RAD54L2: variants seen among roughly 807,000 people sequenced by gnomAD.
The protein encoded by RAD54L2 is helicase ARIP4.
In RAD54L2, 27 loss-of-function variants were observed where a neutral mutation model predicts 138.4. The ratio of observed to expected loss-of-function variants is 0.20; its 90% CI spans 0.14 to 0.27. The LOEUF is 0.27. RAD54L2 is among the 10% of genes least tolerant of loss of function. RAD54L2 has a pLI of 1.00. For missense variants in RAD54L2, 1,396 were observed against 1,890.2 expected, an observed-to-expected ratio of 0.74 and a Z score of 4.85; for synonymous variants, 644 against 723.2, an observed-to-expected ratio of 0.89 and a Z score of 1.76.
intron 2 of RAD54L2, among the ~76,000 whole-genome samples, chr3:51,582,228 G>C (rs1415414930): frequency 6.6e-6 from 1 of 152,102 alleles, no homozygotes; most frequent in Non-Finnish European, 1.5e-5. Context: ...AGCTTAAGAA[G>C]TTATAGCTGT....
At position 51,657,651 on chromosome 3, in the gene RAD54L2, A is replaced by G; in HGVS notation, c.3298A>G (p.Ile1100Val). ...ARINAGESIH[I>V]IRGTKGTYIR... ...AATTAATGCTGGTGAGAGCATCCAC[A>G]TCATCCGTGGGACAAAAGGTAAGAG... is the stretch of plus-strand genomic sequence containing the variant. The change falls in exon 21 of 23, where the codon ATC (isoleucine) becomes GTC (valine). Residue 1100 changes from isoleucine (I) to valine (V), a missense_variant. Around this residue, in one of 7 missense-constraint regions of RAD54L2, gnomAD observed 634 missense variants for 711.2 expected, o/e 0.89. Transcript: ENST00000684192. The G allele has an allele frequency of 1.3e-5, 21 of 1,575,512 alleles. No homozygotes were observed. The highest frequency in any genetic ancestry group is 1.8e-5 in the Non-Finnish European group (21 of 1,157,544).
At chr3:51,622,733 A>G (rs1369438775) in intron 3 of RAD54L2, among the ~76,000 whole-genome samples, 1 of 152,180 alleles carries the variant, frequency 6.6e-6, no homozygotes, top group Admixed American at 6.5e-5. Flanking sequence ...CTTACCCAGG[A>G]CAGGGGTTGA....
rs367844482 is a variant in RAD54L2 at position 51,645,786 on chromosome 3, A to G, written c.2829+23A>G. The G allele has an allele frequency of 7.3e-5, 116 of 1,591,354 alleles. 2 individuals carry two copies. The highest frequency in any genetic ancestry group is 1.8e-4 in the South Asian group (16 of 87,112). On this transcript the variant is annotated intron_variant, in intron 18 of 22. Transcript: ENST00000684192. The surrounding 1 kb of genome is among the most constrained non-coding windows in gnomAD (Gnocchi z 6.1). Reference sequence around the variant, plus strand: ...AAGGTAAGAACTTGGTATGCATGCAATCCCCAGAGTGGCAGTCTCTCTGTC... The same window carrying G: ...AAGGTAAGAACTTGGTATGCATGCAGTCCCCAGAGTGGCAGTCTCTCTGTC...
intron 9 of RAD54L2, among the ~76,000 whole-genome samples, chr3:51,634,445 C>T (rs928595233): frequency 7.2e-6 from 1 of 139,722 alleles, no homozygotes; most frequent in African/African-American, 2.7e-5. Context: ...TCTCAGTTCA[C>T]TGCAACCTCT....
chr3:51,575,921 G>T (rs930247259), intron 2 of RAD54L2, among the ~76,000 whole-genome samples: 1 of 152,168 alleles, frequency 6.6e-6, no homozygotes, highest in Non-Finnish European at 1.5e-5. Context: ...TCCCTGTCTT[G>T]TGCCAGTTTT....
In RAD54L2 at chr3:51,623,015, A is replaced by G. The variant is rs544941316; in HGVS notation, c.140-4538A>G. Among the ~76,000 whole-genome samples, 8 of 152,276 alleles carry G rather than the reference A, an allele frequency of 5.3e-5. No homozygotes were observed. The South Asian group carries it at 1.7e-3, about 32-fold the overall frequency. On this transcript the variant is annotated intron_variant, in intron 3 of 22. Transcript: ENST00000684192. The stretch of plus-strand genomic sequence containing the variant: ...TACTGCTCTTGGGCACTTTCCATAT[A>G]GCATATGTGTTTCCCCATGTGGTCT...
At position 51,637,515 on chromosome 3, in the gene RAD54L2, T is replaced by G; in HGVS notation, c.1682+12T>G. The G allele has an allele frequency of 1.3e-6, 2 of 1,599,660 alleles. No individual in the cohort carries two copies. The highest frequency in any genetic ancestry group is 1.7e-6 in the Non-Finnish European group (2 of 1,170,778). ...GGCTTTGTGCAGAGGTGAGCCATCC[T>G]CAGGGTCCTGCTTCCTGAATTTTCA... On this transcript the variant is annotated intron_variant, in intron 11 of 22. Coordinates refer to ENST00000684192, the MANE Select transcript of RAD54L2 (RefSeq NM_015106.4). This position sits in a 1 kb window ranked among gnomAD's most constrained non-coding sequence, Gnocchi z 5.9.
intron 2 of RAD54L2, among the ~76,000 whole-genome samples, chr3:51,573,109 G>T (rs1182801631): frequency 6.6e-6 from 1 of 152,234 alleles, no homozygotes; most frequent in African/African-American, 2.4e-5. Context: ...TACATAAGTC[G>T]CTTTACAAGA....
At chr3:51,616,268 C>T (rs975901300) in intron 3 of RAD54L2, among the ~76,000 whole-genome samples, 1 of 152,180 alleles carries the variant, frequency 6.6e-6, no homozygotes, top group Non-Finnish European at 1.5e-5. Context: ...AATCTCTCTT[C>T]ATCCTCTCTT....
chr3:51,668,103 T>TGTGTGTG lies in RAD54L2; in HGVS notation c.*4683_*4684insGTGTGTG, dbSNP rs1701950670. On this transcript the variant is annotated 3_prime_UTR_variant, in exon 23 of 23. Transcript: ENST00000684192. The stretch of plus-strand genomic sequence containing the variant: ...TGTGTGTGAGTGTGTGTGTGTGTGT[T>TGTGTGTG]TGTGTGCTGTGCTCATGTGCACCTG... 6.7e-6 allele frequency: 1 copy of TGTGTGTG among 149,974 alleles called. No individual in the cohort carries two copies. The highest frequency in any genetic ancestry group is 2.5e-5 in the African/African-American group (1 of 39,308). The allele number at this position is 149,974 out of a possible 1,614,324, so 9.3% of individuals were successfully genotyped here.
chr3:51,542,023 T>TA (rs1206392128), intron 2 of RAD54L2, among the ~76,000 whole-genome samples: 3 of 152,222 alleles, frequency 2.0e-5, no homozygotes, highest in African/African-American at 7.2e-5. Flanking sequence ...AAATAAGGCT[T>TA]AGAGTTTTCT....
intron 3 of RAD54L2, among the ~76,000 whole-genome samples, chr3:51,601,608 A>AT (rs1358671664): frequency 6.7e-6 from 1 of 150,144 alleles, no homozygotes; most frequent in Non-Finnish European, 1.5e-5. Flanking sequence ...GCCCGGGCTA[A>AT]TTTTTTATAT....
chr3:51,591,761 C>A (rs1699845430), intron 3 of RAD54L2, among the ~76,000 whole-genome samples: 1 of 152,156 alleles, frequency 6.6e-6, no homozygotes, highest in South Asian at 2.1e-4. Context: ...GTGTCAGCAT[C>A]ACTTTTTGCT....
intron 2 of RAD54L2, among the ~76,000 whole-genome samples, chr3:51,588,185 CAAAAAAAAAAAAAA>C (rs987919898): frequency 4.7e-4 from 6 of 12,714 alleles, no homozygotes; most frequent in South Asian, 2.9e-3. Context: ...GACTCCATCT[CAAAAAAAAAAAAAA>C]AAAAAAAAAA....
intron 2 of RAD54L2, among the ~76,000 whole-genome samples, chr3:51,569,988 A>G (rs1378376000): frequency 3.3e-5 from 5 of 151,560 alleles, no homozygotes; most frequent in Non-Finnish European, 7.4e-5. Flanking sequence ...GTGCACCACT[A>G]TGCCCAGCTG....
intron 2 of RAD54L2, among the ~76,000 whole-genome samples, chr3:51,565,953 C>T (rs1348021925): frequency 1.3e-5 from 2 of 151,572 alleles, no homozygotes; most frequent in Admixed American, 6.6e-5. Flanking sequence ...CTCAGCCTCC[C>T]AAGTAGCTGG....
chr3:51,607,251 G>GCCGCCTT (rs763855976), intron 3 of RAD54L2, among the ~76,000 whole-genome samples: 1 of 151,026 alleles, frequency 6.6e-6, no homozygotes, highest in East Asian at 2.0e-4. Flanking sequence ...AGAGGGCCCT[G>GCCGCCTT]CCGCCTTCCG....
intron 19 of RAD54L2, among the ~76,000 whole-genome samples, chr3:51,652,545 A>G (rs1263811610): frequency 1.3e-5 from 2 of 152,244 alleles, no homozygotes; most frequent in African/African-American, 2.4e-5. Context: ...AGGCTACGGT[A>G]ACCAAAACAG....
chr3:51,546,693 A>G (rs1343218352), intron 2 of RAD54L2, among the ~76,000 whole-genome samples: 2 of 151,976 alleles, frequency 1.3e-5, no homozygotes, highest in East Asian at 3.9e-4. Context: ...AGTAGCTGTT[A>G]AAAATTGATG....
Sources: gnomAD v4.1 joint callset for allele counts (sites outside exome capture counted in the v4.1 genomes callset) on GRCh38, gnomAD v4.1.1 for gene constraint, gnomAD v4.1.1 regional missense constraint, Gnocchi (gnomAD v3.1) non-coding constraint, MANE v1.5 for transcripts, NCBI Gene and HGNC (gene_info 2026-07-23, HGNC 2026-07-21) for gene names.